Variants in TMEM220 observed in about 807,000 individuals in gnomAD.
TMEM220 encodes transmembrane protein 220.
In TMEM220, 21 loss-of-function variants were observed where a neutral mutation model predicts 21.7. That is an observed-to-expected ratio of 0.97 (90% CI 0.69 to 1.39). The LOEUF (loss-of-function observed/expected upper bound fraction) is 1.39. Ranked by LOEUF, TMEM220 falls within the 40% of genes most tolerant of loss-of-function variation. The pLI is 0.00. For synonymous variants in TMEM220, 80 were observed against 73.6 expected (o/e 1.09, Z -0.45); for missense variants, 191 against 201.9 (o/e 0.95, Z 0.33).
chr17:10,721,638 A>G lies in TMEM220; in HGVS notation c.347+1632T>C, dbSNP rs867117080. 8.0e-4 allele frequency among the ~76,000 whole-genome samples: 110 copies of G among 137,652 alleles called. 1 individual carries two copies. The East Asian group carries it at 0.017, about 22-fold the overall frequency. 90.3% of individuals were successfully genotyped at this position (137,652 alleles called of 152,430 possible). On this transcript the variant is annotated intron_variant, in intron 5 of 5. Transcript: ENST00000341871. ...AAAAAAAGAAAAAAAGAAAAAAAAG[A>G]AAAAAAAAATAGTTTGGCAGTGTGG...
At chr17:10,722,239 C>T (rs1248354454) in intron 5 of TMEM220, among the ~76,000 whole-genome samples, 1 of 152,194 alleles carries the variant, frequency 6.6e-6, no homozygotes, top group African/African-American at 2.4e-5. Flanking sequence ...AGTTGATCCG[C>T]CTGCCTCGGC....
chr17:10,722,079 G>C (rs533200304), intron 5 of TMEM220, among the ~76,000 whole-genome samples: 1 of 150,388 alleles, frequency 6.6e-6, no homozygotes, highest in East Asian at 2.0e-4. Flanking sequence ...TGCAACCTCC[G>C]ACTCCCGGGT....
In TMEM220 at chr17:10,725,027, G is replaced by GT; in HGVS notation, c.270dup (p.His91ThrfsTer2). The GT allele has an allele frequency of 1.9e-6, 3 of 1,614,128 alleles. No homozygotes were observed. Among genetic ancestry groups the GT allele is most frequent in the Non-Finnish European group, 2.5e-6 (3 of 1,180,022 alleles). On this transcript the variant is annotated frameshift_variant, in exon 4 of 6. Coordinates refer to ENST00000341871, the MANE Select transcript of TMEM220 (RefSeq NM_001004313.3). LOFTEE classifies it high-confidence loss of function. ...ACCGCTCACCTGCCTTCTTCCTCAT[G>GT]TAAGATGTTCTGTTGTGTACGATGC...
chr17:10,712,053 T>A (rs1386771167), downstream of TMEM220, among the ~76,000 whole-genome samples: 1 of 152,214 alleles, frequency 6.6e-6, no homozygotes, highest in East Asian at 1.9e-4. Flanking sequence ...AACATATACT[T>A]GTTCTCTTGC....
intron 2 of TMEM220, among the ~76,000 whole-genome samples, chr17:10,727,774 C>T (rs1372206709): frequency 6.6e-6 from 1 of 152,138 alleles, no homozygotes; most frequent in Admixed American, 6.5e-5. Flanking sequence ...CAATATTATT[C>T]TAAAGCTTAA....
Position 10,729,035 on chromosome 17 carries a change from C to T in TMEM220, c.98G>A (p.Trp33Ter). Residue 33 changes from tryptophan (W) to a stop codon, truncating the protein, a stop_gained, in exon 2 of 6, where the codon TGG (tryptophan) becomes TAG (stop). Coordinates refer to ENST00000341871, the MANE Select transcript of TMEM220 (RefSeq NM_001004313.3). LOFTEE classifies it high-confidence loss of function. ...VQVNDPDAEV[W>*]VVVYTIPAVL... ...CTGGAAGCGGCTCATACTCACCACC[C>T]ACACCTCTGCATCTGGGTCATTTAC... 6.2e-7 allele frequency: 1 copy of T among 1,614,212 alleles called. No individual in the cohort carries two copies. Among genetic ancestry groups the T allele is most frequent in the South Asian group, 1.1e-5 (1 of 91,074 alleles).
At chr17:10,728,509 C>G (rs1484154708) in intron 2 of TMEM220, among the ~76,000 whole-genome samples, 1 of 152,020 alleles carries the variant, frequency 6.6e-6, no homozygotes, top group Non-Finnish European at 1.5e-5. Flanking sequence ...CGGGGTTTCA[C>G]CATGTTGCTC....
At chr17:10,712,968 G>A (rs2074864932), downstream of TMEM220, among the ~76,000 whole-genome samples, 1 of 152,126 alleles carries the variant, frequency 6.6e-6, no homozygotes, top group South Asian at 2.1e-4. Flanking sequence ...ATGTGAAGGT[G>A]TGAAAGATTT....
chr17:10,724,941 T>TGTTGC, intron 4 of TMEM220, 70 bp downstream of exon 4: 1 of 1,594,376 alleles, frequency 6.3e-7, no homozygotes, highest in Non-Finnish European at 8.6e-7. Context: ...ACAGATGAGG[T>TGTTGC]GTTGCAAACA....
rs112948764 is a variant in TMEM220, at chr17:10,716,425, C to T, written c.348-837G>A. 87 of 654,686 alleles carry T rather than the reference C, an allele frequency of 1.3e-4. 1 individual carries two copies. Among genetic ancestry groups the T allele is most frequent in the South Asian group, 7.7e-4 (57 of 73,774 alleles). 40.6% of individuals were successfully genotyped at this position (654,686 alleles called of 1,614,324 possible). On this transcript the variant is annotated intron_variant, in intron 5 of 5. Coordinates refer to ENST00000341871, the MANE Select transcript of TMEM220 (RefSeq NM_001004313.3). ...GCTGTGTTGGCTTATCTTAATTTCC[C>T]GTCCGGTCAGAACTCAAACTCCAGA... is the stretch of plus-strand genomic sequence containing the variant.
In TMEM220 at chr17:10,729,838, A is replaced by G; in HGVS notation, c.14T>C (p.Leu5Pro). The G allele has an allele frequency of 1.4e-6, 2 of 1,381,420 alleles. No individual in the cohort carries two copies. Among genetic ancestry groups the G allele is most frequent in the Non-Finnish European group, 1.9e-6 (2 of 1,059,248 alleles). 85.6% of individuals were successfully genotyped at this position (1,381,420 alleles called of 1,614,324 possible). A position where few individuals can be genotyped will look rare whatever the true frequency, so the allele number is the denominator to read the frequency against. MAPA[L>P]WRACNGLMAA... is the part of the protein sequence containing the mutation. ...CATGAGTCCGTTGCAGGCCCGCCAC[A>G]GCGCTGGCGCCATGGCTCGGAGAAC... The change falls in exon 1 of 6, where the codon CTG (leucine) becomes CCG (proline). Residue 5 changes from leucine to proline, a missense_variant. Transcript: ENST00000341871.
At position 10,726,203 on chromosome 17, in the gene TMEM220, C is replaced by G. The variant is rs1005892657; in HGVS notation, c.163+1G>C. The G allele has an allele frequency of 3.7e-6, 6 of 1,613,204 alleles. No individual in the cohort carries two copies. Among genetic ancestry groups the G allele is most frequent in the Non-Finnish European group, 5.1e-6 (6 of 1,179,194 alleles). On this transcript the variant is annotated splice_donor_variant, in intron 3 of 5. Coordinates refer to ENST00000341871, the MANE Select transcript of TMEM220 (RefSeq NM_001004313.3). LOFTEE classifies it high-confidence loss of function. ...CTCCATTTAGAATGCAAGGCTTATA[C>G]CTGTGACTTCAGGGTTAAGTCCAAC...
chr17:10,726,658 G>A (rs1404438561), intron 2 of TMEM220, among the ~76,000 whole-genome samples: 1 of 152,216 alleles, frequency 6.6e-6, no homozygotes, highest in Admixed American at 6.5e-5. Flanking sequence ...CACGATGCTA[G>A]ATGGCCCTGC....
intron 2 of TMEM220, among the ~76,000 whole-genome samples, chr17:10,728,374 T>A (rs1390566425): frequency 6.7e-6 from 1 of 148,466 alleles, no homozygotes; most frequent in African/African-American, 2.5e-5. Flanking sequence ...AGTGGCACGA[T>A]CTCAGCACAC....
intron 5 of TMEM220, among the ~76,000 whole-genome samples, chr17:10,722,960 T>C (rs200766432): frequency 6.6e-6 from 1 of 151,978 alleles, no homozygotes; most frequent in East Asian, 1.9e-4. Context: ...CTACCTGATT[T>C]TGTCAGCCTC....
In TMEM220 at chr17:10,725,087, T is replaced by C; in HGVS notation, c.211A>G (p.Thr71Ala). 1.2e-6 allele frequency: 2 copies of C among 1,614,104 alleles called. No homozygotes were observed. Among genetic ancestry groups the C allele is most frequent in the Non-Finnish European group, 1.7e-6 (2 of 1,180,020 alleles). Reference sequence around the variant, plus strand: ...GACGCCAAGCCAACAGCCCACACCGTACAAAAGAGTATGTGTATTGCAGAG... The same window carrying C: ...GACGCCAAGCCAACAGCCCACACCGCACAAAAGAGTATGTGTATTGCAGAG... ...SISAIHILFC[T>A]VWAVGLASYL... is the part of the protein sequence containing the mutation. The change falls in exon 4 of 6, where the codon ACG becomes GCG. Residue 71 changes from threonine to alanine, a missense_variant. Transcript: ENST00000341871.
intron 5 of TMEM220, 28 bp from the exon 6 acceptor site, chr17:10,715,616 TA>T: frequency 6.5e-7 from 1 of 1,529,840 alleles, no homozygotes; most frequent in Non-Finnish European, 8.7e-7. Context: ...TTATTATAAA[TA>T]AAAATCATGG....
At chr17:10,723,708 TAC>T (rs2075018748) in intron 4 of TMEM220, among the ~76,000 whole-genome samples, 1 of 152,186 alleles carries the variant, frequency 6.6e-6, no homozygotes, top group Non-Finnish European at 1.5e-5. Flanking sequence ...TCAATACTTT[TAC>T]ATTTTTAAAG....
Position 10,715,211 on chromosome 17 carries a change from C to A in TMEM220, c.*242G>T. On this transcript the variant is annotated 3_prime_UTR_variant, in exon 6 of 6. Coordinates refer to ENST00000341871, the MANE Select transcript of TMEM220 (RefSeq NM_001004313.3). Reference sequence around the variant, plus strand: ...GAACTCGTATTTTTAAACTTCTATTCTCTAGCCTTTTCCACTACATTATGA... The same window carrying A: ...GAACTCGTATTTTTAAACTTCTATTATCTAGCCTTTTCCACTACATTATGA... 1 of 326,334 alleles carries A rather than the reference C, an allele frequency of 3.1e-6. No homozygotes were observed. Among genetic ancestry groups the A allele is most frequent in the Non-Finnish European group, 5.5e-6 (1 of 180,706 alleles). 20.2% of individuals were successfully genotyped at this position (326,334 alleles called of 1,614,324 possible).
Sources: allele counts gnomAD v4.1 joint callset (sites outside exome capture counted in the v4.1 genomes callset), GRCh38; gene constraint gnomAD v4.1.1; transcripts MANE v1.5; gene names NCBI Gene and HGNC (gene_info 2026-07-23, HGNC 2026-07-21).